PITPNC1: variants seen among roughly 807,000 people sequenced by gnomAD.
PITPNC1 encodes the protein cytoplasmic phosphatidylinositol transfer protein 1.
PITPNC1 carries 18 observed loss-of-function variants against 44.7 expected under a neutral mutation model. The observed-to-expected ratio is 0.40, with a 90% confidence interval of 0.28 to 0.60. PITPNC1 has a LOEUF of 0.60. Among genes scored for constraint, PITPNC1 ranks in the 20% least tolerant of loss-of-function variants. The pLI, the probability that PITPNC1 is intolerant of heterozygous loss-of-function variation, is 0.39. For missense variants in PITPNC1, 290 were observed against 418.4 expected, an observed-to-expected ratio of 0.69 and a Z score of 2.68; for synonymous variants, 141 against 149.6, an observed-to-expected ratio of 0.94 and a Z score of 0.42.
intron 1 of PITPNC1, among the ~76,000 whole-genome samples, chr17:67,466,205 TG>T (rs796395546): frequency 0.023 from 635 of 27,820 alleles, 4 homozygotes; most frequent in Middle Eastern, 0.12. Flanking sequence ...GGTGGGGGGG[TG>T]GGGGGGGGCG....
chr17:67,487,664 A>T (rs1262456414), intron 1 of PITPNC1, among the ~76,000 whole-genome samples: 1 of 152,156 alleles, frequency 6.6e-6, no homozygotes, highest in African/African-American at 2.4e-5. Flanking sequence ...AAAGGGGGAA[A>T]GTTTAAGTTT....
At chr17:67,432,518 CATAA>C (rs2038871933) in intron 1 of PITPNC1, among the ~76,000 whole-genome samples, 1 of 151,902 alleles carries the variant, frequency 6.6e-6, no homozygotes, top group South Asian at 2.1e-4. Flanking sequence ...TAAATAAATA[CATAA>C]ATAAATAATA....
chr17:67,482,327 GA>G, intron 1 of PITPNC1, among the ~76,000 whole-genome samples: 1 of 152,188 alleles, frequency 6.6e-6, no homozygotes, highest in East Asian at 1.9e-4. Context: ...GGCTTATTTG[GA>G]AGGCAAACCA....
intron 1 of PITPNC1, among the ~76,000 whole-genome samples, chr17:67,465,081 T>A (rs2039404862): frequency 6.6e-6 from 1 of 152,198 alleles, no homozygotes; most frequent in African/African-American, 2.4e-5. Context: ...AATCAAGCAC[T>A]TTGGCTAGCA....
chr17:67,443,467 G>A (rs1431295056), intron 1 of PITPNC1, among the ~76,000 whole-genome samples: 2 of 151,638 alleles, frequency 1.3e-5, no homozygotes, highest in Non-Finnish European at 2.9e-5. Flanking sequence ...CTGTTTACCG[G>A]TGTCCCTAGT....
chr17:67,429,257 T>C (rs1368947096), intron 1 of PITPNC1, among the ~76,000 whole-genome samples: 1 of 152,196 alleles, frequency 6.6e-6, no homozygotes, highest in Non-Finnish European at 1.5e-5. Context: ...GGTAAAATGA[T>C]TTCATGAACC....
At chr17:67,488,523 C>T (rs1301569254) in intron 1 of PITPNC1, among the ~76,000 whole-genome samples, 1 of 152,186 alleles carries the variant, frequency 6.6e-6, no homozygotes, top group Non-Finnish European at 1.5e-5. Context: ...AATGCCTGAG[C>T]GAACGAAGGA....
At chr17:67,592,568 T>C (rs1293953035) in intron 5 of PITPNC1, among the ~76,000 whole-genome samples, 1 of 152,242 alleles carries the variant, frequency 6.6e-6, no homozygotes, top group African/African-American at 2.4e-5. Context: ...GCGAAGTTCA[T>C]CATATCTGAT....
At chr17:67,690,745 C>G (rs909059085) in intron 8 of PITPNC1, among the ~76,000 whole-genome samples, 1 of 152,080 alleles carries the variant, frequency 6.6e-6, no homozygotes, top group Non-Finnish European at 1.5e-5. Context: ...TTCCTCTTTT[C>G]CCTGTTCCCA....
chr17:67,442,204 C>CATATGTATATATATAT (rs2039021633), intron 1 of PITPNC1, among the ~76,000 whole-genome samples: 2 of 54,216 alleles, frequency 3.7e-5, no homozygotes, highest in African/African-American at 1.0e-4. Flanking sequence ...GGAAAATAAG[C>CATATGTATATATATAT]ATATATATAT....
chr17:67,428,620 A>T (rs574814573), intron 1 of PITPNC1, among the ~76,000 whole-genome samples: 1 of 152,000 alleles, frequency 6.6e-6, no homozygotes, highest in East Asian at 1.9e-4. Flanking sequence ...ATTATAGATG[A>T]TTTTAAACAT....
intron 6 of PITPNC1, among the ~76,000 whole-genome samples, chr17:67,644,465 C>A (rs1215573227): frequency 7.6e-6 from 1 of 132,400 alleles, no homozygotes; most frequent in Non-Finnish European, 1.6e-5. Context: ...GACAGAGTCT[C>A]ACTCTGTCAC....
At chr17:67,502,263 G>A (rs1376797195) in intron 1 of PITPNC1, among the ~76,000 whole-genome samples, 3 of 150,492 alleles carry the variant, frequency 2.0e-5, no homozygotes, top group Non-Finnish European at 3.0e-5. Flanking sequence ...ATCATAATCC[G>A]TGTTTTAAGA....
chr17:67,475,724 G>C (rs1337919713), intron 1 of PITPNC1, among the ~76,000 whole-genome samples: 3 of 152,218 alleles, frequency 2.0e-5, no homozygotes, highest in Admixed American at 2.0e-4. Flanking sequence ...GACTGGAAGG[G>C]GAGGGAATGC....
intron 4 of PITPNC1, among the ~76,000 whole-genome samples, chr17:67,554,711 C>G (rs769210020): frequency 6.6e-6 from 1 of 152,184 alleles, no homozygotes; most frequent in Non-Finnish European, 1.5e-5. Flanking sequence ...GGTGCTCAAT[C>G]AATAGTTATT....
At chr17:67,647,464 G>GTTTTTTTTGTTTTTTTTTTTTT (rs2042162118) in intron 6 of PITPNC1, among the ~76,000 whole-genome samples, 9 of 72,358 alleles carry the variant, frequency 1.2e-4, no homozygotes, top group African/African-American at 4.0e-4. Context: ...CTAATTTTGG[G>GTTTTTTTTGTTTTTTTTTTTTT]TTTTTTTTTT....
At chr17:67,590,252 C>T (rs886409286) in intron 5 of PITPNC1, among the ~76,000 whole-genome samples, 4 of 152,002 alleles carry the variant, frequency 2.6e-5, no homozygotes, top group Admixed American at 6.6e-5. Context: ...ATAAATGAAC[C>T]TAACTGTATT....
chr17:67,598,576 C>T (rs2041490321), intron 5 of PITPNC1, among the ~76,000 whole-genome samples: 1 of 152,152 alleles, frequency 6.6e-6, no homozygotes, highest in South Asian at 2.1e-4. Context: ...GTCCCTTCTA[C>T]CATGTGAGGA....
chr17:67,425,197 G>A (rs12940311), intron 1 of PITPNC1, among the ~76,000 whole-genome samples: 1,205 of 98,280 alleles, frequency 0.012, 99 homozygotes, highest in East Asian at 0.069. Flanking sequence ...GCGCGCGCAC[G>A]CACACGCACA....
Sources: gnomAD v4.1 joint callset for allele counts (sites outside exome capture counted in the v4.1 genomes callset) on GRCh38, gnomAD v4.1.1 for gene constraint, MANE v1.5 for transcripts, NCBI Gene and HGNC (gene_info 2026-07-23, HGNC 2026-07-21) for gene names.